Variants in ARHGEF7 observed in about 807,000 individuals in gnomAD.
ARHGEF7 encodes PAK-interacting exchange factor beta.
In ARHGEF7, 33 loss-of-function variants were observed where a neutral mutation model predicts 109.8. The ratio of observed to expected loss-of-function variants is 0.30; its 90% CI spans 0.23 to 0.40. ARHGEF7 has a LOEUF of 0.40. ARHGEF7 is among the 10% of genes least tolerant of loss of function. The pLI is 1.00. For synonymous variants in ARHGEF7, 458 were observed against 424.6 expected, an observed-to-expected ratio of 1.08 and a Z score of -0.97; for missense variants, 938 against 1,098.5, an observed-to-expected ratio of 0.85 and a Z score of 2.07.
At position 111,283,349 on chromosome 13, in the gene ARHGEF7, C is replaced by A; in HGVS notation, c.1936C>A (p.Leu646Ile). ...PAPPLRPSAALCYKEDLSKSP... is the reference protein window; with the variant it reads ...PAPPLRPSAAICYKEDLSKSP... ...GCCTCCCCTCCGGCCCTCAGCTGCT[C>A]TCTGCTACAAGGAGGTGAGGTCCCT... Residue 646 changes from leucine (L) to isoleucine (I), a missense_variant, in exon 16 of 22, where the codon CTC becomes ATC. Coordinates refer to ENST00000646102, the MANE Select transcript of ARHGEF7 (RefSeq NM_001354046.2). The A allele has an allele frequency of 6.5e-7, 1 of 1,546,932 alleles. No homozygotes were observed. Among genetic ancestry groups the A allele is most frequent in the Non-Finnish European group, 8.7e-7 (1 of 1,149,946 alleles).
intron 21 of ARHGEF7, 97 bp downstream of exon 21, chr13:111,301,629 AC>A: frequency 9.8e-7 from 1 of 1,019,452 alleles, no homozygotes; most frequent in South Asian, 1.5e-5. Flanking sequence ...ACGGTGGCTC[AC>A]ACCTATAATC....
chr13:111,259,104 C>G (rs758077241), intron 8 of ARHGEF7, among the ~76,000 whole-genome samples: 1 of 152,150 alleles, frequency 6.6e-6, no homozygotes, highest in Non-Finnish European at 1.5e-5. Flanking sequence ...TTTCAGCTTC[C>G]GGGCTCTGGC....
At chr13:111,281,889 G>T (rs1204990269) in intron 15 of ARHGEF7, among the ~76,000 whole-genome samples, 1 of 152,196 alleles carries the variant, frequency 6.6e-6, no homozygotes, top group East Asian at 1.9e-4. Flanking sequence ...TCTTGTGTGG[G>T]ATGATGTATT....
intron 2 of ARHGEF7, among the ~76,000 whole-genome samples, chr13:111,183,609 T>C (rs2078971697): frequency 6.6e-6 from 1 of 152,198 alleles, no homozygotes; most frequent in Non-Finnish European, 1.5e-5. Flanking sequence ...TGTCATTTTA[T>C]CAATTATTAT....
chr13:111,296,052 T>G (rs1324115316), intron 19 of ARHGEF7, among the ~76,000 whole-genome samples: 2 of 152,152 alleles, frequency 1.3e-5, no homozygotes, highest in Non-Finnish European at 2.9e-5. Flanking sequence ...GTTAGTTGTG[T>G]GTCGTCAGAT....
chr13:111,132,984 A>G (rs1204216225), intron 1 of ARHGEF7, among the ~76,000 whole-genome samples: 1 of 152,092 alleles, frequency 6.6e-6, no homozygotes, highest in Admixed American at 6.5e-5. Context: ...ACACACATGT[A>G]TATATACACG....
At chr13:111,125,471 A>G (rs2067499927) in intron 1 of ARHGEF7, among the ~76,000 whole-genome samples, 1 of 152,090 alleles carries the variant, frequency 6.6e-6, no homozygotes, top group Non-Finnish European at 1.5e-5. Context: ...AGTGTATATA[A>G]AAGAAACGTA....
intron 1 of ARHGEF7, among the ~76,000 whole-genome samples, chr13:111,121,418 A>C (rs1486571399): frequency 1.3e-5 from 2 of 152,246 alleles, no homozygotes; most frequent in African/African-American, 2.4e-5. Context: ...ACACTTTTAA[A>C]ATTCAAGTAC....
At chr13:111,143,216 C>G (rs772249515) in intron 1 of ARHGEF7, among the ~76,000 whole-genome samples, 1 of 152,192 alleles carries the variant, frequency 6.6e-6, no homozygotes, top group Non-Finnish European at 1.5e-5. Context: ...ATTGGTGAGG[C>G]AGAGTAGATA....
At chr13:111,153,327 C>T (rs528605601) in intron 1 of ARHGEF7, among the ~76,000 whole-genome samples, 27 of 152,302 alleles carry the variant, frequency 1.8e-4, no homozygotes, top group African/African-American at 6.5e-4. Flanking sequence ...GGTGTCTGCG[C>T]TAGGGGCCGA....
At chr13:111,219,970 G>T (rs2083617131) in intron 5 of ARHGEF7, among the ~76,000 whole-genome samples, 1 of 152,172 alleles carries the variant, frequency 6.6e-6, no homozygotes, top group Non-Finnish European at 1.5e-5. Context: ...CCATGCTGAG[G>T]CGTGGAAATG....
intron 2 of ARHGEF7, among the ~76,000 whole-genome samples, chr13:111,193,408 C>T (rs552693656): frequency 6.6e-6 from 1 of 152,354 alleles, no homozygotes; most frequent in East Asian, 1.9e-4. Flanking sequence ...CTTCCTTCTG[C>T]CTTTTCTCCT....
At chr13:111,275,824 C>T in intron 12 of ARHGEF7, 146 bp downstream of exon 12, 1 of 1,004,926 alleles carries the variant, frequency 1.0e-6, no homozygotes. Flanking sequence ...ATTCTTGACA[C>T]AGGAGAGAGG....
rs1349497931 is a variant in ARHGEF7 at position 111,115,706 on chromosome 13, G to GCGCCCC, written c.165+21_165+26dup. On this transcript the variant is annotated intron_variant, in intron 1 of 21. Transcript: ENST00000646102. ...CCATCGAGAAAGTAAGTCCCGGCCC[G>GCGCCCC]CGCCCCCGCCCGCGCCCCCCGGTCC... The GCGCCCC allele has an allele frequency of 6.5e-5, 75 of 1,159,578 alleles. No individual in the cohort carries two copies. The highest frequency in any genetic ancestry group is 7.7e-5 in the Non-Finnish European group (72 of 939,190). The allele number at this position is 1,159,578 out of a possible 1,614,324, so 71.8% of individuals were successfully genotyped here.
chr13:111,283,928 C>T (rs773975994), intron 16 of ARHGEF7, among the ~76,000 whole-genome samples: 4 of 152,056 alleles, frequency 2.6e-5, no homozygotes, highest in African/African-American at 4.8e-5. Context: ...ATTTGCTAGG[C>T]GCAAATAAAG....
intron 17 of ARHGEF7, among the ~76,000 whole-genome samples, chr13:111,287,721 A>T (rs1251768796): frequency 1.3e-5 from 2 of 152,316 alleles, no homozygotes; most frequent in East Asian, 3.9e-4. Context: ...CAGGAACCCC[A>T]GGCTGTGCCC....
chr13:111,300,621 A>C (rs1363647615), intron 19 of ARHGEF7, 127 bp from the exon 20 acceptor site: 2 of 626,826 alleles, frequency 3.2e-6, no homozygotes, highest in African/African-American at 1.9e-5. Context: ...GCTTGCCTGG[A>C]TGAACGTTTT....
At chr13:111,244,391 A>G in intron 8 of ARHGEF7, 97 bp downstream of exon 8, 3 of 738,142 alleles carry the variant, frequency 4.1e-6, no homozygotes, top group South Asian at 2.0e-5. Flanking sequence ...ATTTCTAAAG[A>G]TGCAAACTTA....
At chr13:111,274,077 G>T in intron 10 of ARHGEF7, 125 bp downstream of exon 10, 2 of 1,201,550 alleles carry the variant, frequency 1.7e-6, no homozygotes, top group Non-Finnish European at 2.3e-6. Context: ...AGTTTACAAA[G>T]AGTTTTGTTA....
Sources: gnomAD v4.1 joint callset for allele counts (sites outside exome capture counted in the v4.1 genomes callset) on GRCh38, gnomAD v4.1.1 for gene constraint, MANE v1.5 for transcripts, NCBI Gene and HGNC (gene_info 2026-07-23, HGNC 2026-07-21) for gene names.